ABCA6: variants seen among roughly 807,000 people sequenced by gnomAD.
The protein encoded by ABCA6 is ATP-binding cassette sub-family A member 6.
In ABCA6, 164 loss-of-function variants were observed where a neutral mutation model predicts 191.2. The observed-to-expected ratio is 0.86, with a 90% CI of 0.76 to 0.98. The LOEUF (loss-of-function observed/expected upper bound fraction) is 0.98. ABCA6 is among the 50% of genes least tolerant of loss of function. The pLI is 0.00. For missense variants in ABCA6, 1,958 were observed against 1,894.1 expected (o/e 1.03, Z -0.63); for synonymous variants, 636 against 647.7 (o/e 0.98, Z 0.27).
chr17:69,091,308 T>A (rs755624255), intron 25 of ABCA6, 46 bp from the exon 26 acceptor site: 1 of 1,593,032 alleles, frequency 6.3e-7, no homozygotes, highest in Non-Finnish European at 8.5e-7. Flanking sequence ...ACTCAACCCA[T>A]TGATATTTTG....
In ABCA6 at chr17:69,085,074, C is replaced by A; in HGVS notation, c.4138G>T (p.Ala1380Ser). Residue 1380 changes from alanine (A) to serine (S), a missense_variant, in exon 32 of 39, where the codon GCC becomes TCC. Coordinates refer to ENST00000284425, the MANE Select transcript of ABCA6 (RefSeq NM_080284.3). ...TLREHLEVYA[A>S]VKGLRKADAR... ...TCCGCTTTCCTGAGCCCCTTGACGGCAGCATACACCTCCAGGTGTTCCCTC... is the reference window on the plus strand; with the variant it reads ...TCCGCTTTCCTGAGCCCCTTGACGGAAGCATACACCTCCAGGTGTTCCCTC... The A allele has an allele frequency of 6.2e-7, 1 of 1,613,648 alleles. No individual in the cohort carries two copies. Among genetic ancestry groups the A allele is most frequent in the Non-Finnish European group, 8.5e-7 (1 of 1,179,866 alleles).
chr17:69,079,156 G>A, intron 38 of ABCA6, 54 bp downstream of exon 38: 1 of 1,581,024 alleles, frequency 6.3e-7, no homozygotes, highest in Non-Finnish European at 8.7e-7. Context: ...GAAAATGCAT[G>A]TTGCTTTCAT....
At chr17:69,092,860 C>A (rs2072956466) in intron 25 of ABCA6, among the ~76,000 whole-genome samples, 1 of 152,172 alleles carries the variant, frequency 6.6e-6, no homozygotes, top group Admixed American at 6.5e-5. Flanking sequence ...TTGATACTAG[C>A]TGTACAATGA....
intron 17 of ABCA6, chr17:69,109,122 G>C (rs1455806200): frequency 1.3e-5 from 2 of 152,088 alleles, no homozygotes; most frequent in African/African-American, 2.4e-5. Context: ...GAATTCCTGA[G>C]TATTTGCCTA....
rs554612202 is a variant in ABCA6, at chr17:69,123,518, A to AT, written c.1268-112dup. ...TTGAAGTTTTAAGCATCATAGAGAC[A>AT]TTTTTTCTTCTAAAACTCAATTTAT... On this transcript the variant is annotated intron_variant, in intron 9 of 38. Coordinates refer to ENST00000284425, the MANE Select transcript of ABCA6 (RefSeq NM_080284.3). 103 of 673,884 alleles carry AT rather than the reference A, an allele frequency of 1.5e-4. 1 individual carries two copies. In the African/African-American group the frequency reaches 1.9e-3, roughly 12 times the overall value. 41.7% of individuals were successfully genotyped at this position (673,884 alleles called of 1,614,324 possible). A position where few individuals can be genotyped will look rare whatever the true frequency, so the allele number is the denominator to read the frequency against.
intron 25 of ABCA6, among the ~76,000 whole-genome samples, chr17:69,092,444 T>C (rs1376741464): frequency 6.6e-6 from 1 of 152,184 alleles, no homozygotes; most frequent in Non-Finnish European, 1.5e-5. Flanking sequence ...CCTCCATATT[T>C]CTACAGTTTC....
At position 69,085,640 on chromosome 17, in the gene ABCA6, C is replaced by T; in HGVS notation, c.4014G>A (p.Lys1338=). ...SSIRMISGIT[K]PTAGEVELKG... ...TCCTCACTACCTCTCCAGCAGTTGG[C>T]TTTGTGATCCCAGATATCATTCTAA... is the stretch of plus-strand genomic sequence containing the variant. Residue 1338 remains lysine, a synonymous_variant, in exon 31 of 39, where the codon AAG becomes AAA. Transcript: ENST00000284425. 1.2e-6 allele frequency: 2 copies of T among 1,611,266 alleles called. No individual in the cohort carries two copies. Among genetic ancestry groups the T allele is most frequent in the Non-Finnish European group, 1.7e-6 (2 of 1,178,660 alleles).
At chr17:69,114,563 A>G (rs1004150894) in intron 13 of ABCA6, among the ~76,000 whole-genome samples, 199 bp downstream of exon 13, 2 of 152,160 alleles carry the variant, frequency 1.3e-5, no homozygotes, top group Non-Finnish European at 1.5e-5. Context: ...AAAGTATAAT[A>G]AAAAATAAAA....
At position 69,128,637 on chromosome 17, in the gene ABCA6, A is replaced by G. The variant is rs138380709; in HGVS notation, c.1101T>C (p.Phe367=). Residue 367 remains phenylalanine, a synonymous_variant, in exon 8 of 39, where the codon TTT becomes TTC. Coordinates refer to ENST00000284425, the MANE Select transcript of ABCA6 (RefSeq NM_080284.3). ...CTCTTACCTGAATCATTCCAGTAGT[A>G]AAGGCAAAAGGGCTACAAATATTCA... ...WILNICSPFA[F]TTGMIQIIKL... is the part of the protein sequence containing the mutation. 1.3e-4 allele frequency: 205 copies of G among 1,611,762 alleles called. No homozygotes were observed. The highest frequency in any genetic ancestry group is 1.7e-4 in the Non-Finnish European group (199 of 1,178,832).
chr17:69,085,298 A>G, intron 31 of ABCA6, 116 bp from the exon 32 acceptor site: 1 of 942,468 alleles, frequency 1.1e-6, no homozygotes, highest in Non-Finnish European at 1.5e-6. Flanking sequence ...TAAATACTAT[A>G]GAAATTACTT....
chr17:69,118,674 T>C (rs2073582033), intron 10 of ABCA6, among the ~76,000 whole-genome samples: 1 of 152,114 alleles, frequency 6.6e-6, no homozygotes, highest in Non-Finnish European at 1.5e-5. Flanking sequence ...GTGACTTAAT[T>C]GCTTTGCTTC....
At chr17:69,083,109 A>C in intron 35 of ABCA6, 96 bp from the exon 36 acceptor site, 1 of 1,575,244 alleles carries the variant, frequency 6.3e-7, no homozygotes, top group Middle Eastern at 1.7e-4. Context: ...GGTGTCACCA[A>C]GGAAGCCAAA....
At chr17:69,133,205 C>T (rs1455468624) in intron 6 of ABCA6, among the ~76,000 whole-genome samples, 1 of 152,182 alleles carries the variant, frequency 6.6e-6, no homozygotes, top group Non-Finnish European at 1.5e-5. Context: ...CACAAGTCAA[C>T]TTTTACAGGA....
At chr17:69,115,159 A>T (rs1410966488) in intron 12 of ABCA6, among the ~76,000 whole-genome samples, 1 of 152,172 alleles carries the variant, frequency 6.6e-6, no homozygotes. Context: ...AGAACTGCAC[A>T]TCTACCCTGA....
At chr17:69,128,844 T>C (rs750868798) in intron 7 of ABCA6, 40 bp from the exon 8 acceptor site, 2 of 1,476,442 alleles carry the variant, frequency 1.4e-6, no homozygotes, top group Non-Finnish European at 1.8e-6. Context: ...ATAAAAAATA[T>C]TTAGCTCACT....
intron 5 of ABCA6, among the ~76,000 whole-genome samples, chr17:69,134,137 A>G (rs991972617): frequency 6.6e-6 from 1 of 152,184 alleles, no homozygotes; most frequent in Non-Finnish European, 1.5e-5. Context: ...ATAGATATGC[A>G]ATGTGTTCCT....
rs867663326 is a variant in ABCA6, at chr17:69,118,059, T to A, written c.1437-103A>T. On this transcript the variant is annotated intron_variant, in intron 10 of 38. Coordinates refer to ENST00000284425, the MANE Select transcript of ABCA6 (RefSeq NM_080284.3). ...GTGATAACTGCAGCCAACCACTTTA[T>A]GTGAAATAAGGGATGGCATAAACAG... 7.8e-5 allele frequency: 57 copies of A among 733,292 alleles called. 3 individuals carry two copies. In the Middle Eastern group the frequency reaches 0.011, roughly 140 times the overall value. The allele number at this position is 733,292 out of a possible 1,614,324, so 45.4% of individuals were successfully genotyped here. A position where few individuals can be genotyped will look rare whatever the true frequency, so the allele number is the denominator to read the frequency against.
rs1428057354 is a variant in ABCA6 at position 69,136,379 on chromosome 17, A to G, written c.302-129T>C. On this transcript the variant is annotated intron_variant, in intron 3 of 38. Coordinates refer to ENST00000284425, the MANE Select transcript of ABCA6 (RefSeq NM_080284.3). ...TTAAAATCATTTTCCATTTAAATCA[A>G]TTTTAACCCAAATGCAAGGGGGGAA... 5.2e-6 allele frequency: 4 copies of G among 776,128 alleles called. No homozygotes were observed. In the East Asian group the frequency reaches 9.2e-5, roughly 18 times the overall value. 48.1% of individuals were successfully genotyped at this position (776,128 alleles called of 1,614,324 possible).
At position 69,082,945 on chromosome 17, in the gene ABCA6, T is replaced by G; in HGVS notation, c.4544A>C (p.Lys1515Thr). 1 of 1,614,248 alleles carries G rather than the reference T, an allele frequency of 6.2e-7. No individual in the cohort carries two copies. Among genetic ancestry groups the G allele is most frequent in the Non-Finnish European group, 8.5e-7 (1 of 1,180,030 alleles). Residue 1515 changes from lysine to threonine, a missense_variant, in exon 36 of 39, where the codon AAG (lysine) becomes ACG (threonine). Coordinates refer to ENST00000284425, the MANE Select transcript of ABCA6 (RefSeq NM_080284.3). ...GKDYILELKV[K>T]ETSQVTLVHT... ...GACCAAAGTCACTTGAGACGTTTCC[T>G]TCACTTTTAGCTCTAGAATGTAATC...
Sources: gnomAD v4.1 joint callset for allele counts (sites outside exome capture counted in the v4.1 genomes callset) on GRCh38, gnomAD v4.1.1 for gene constraint, MANE v1.5 for transcripts, NCBI Gene and HGNC (gene_info 2026-07-23, HGNC 2026-07-21) for gene names.